Variants in SLC41A2 observed in about 807,000 individuals in gnomAD.
SLC41A2 encodes SLC41A1-like 1.
Under a neutral mutation model 58.3 loss-of-function variants are expected in SLC41A2, and 32 were observed. The observed-to-expected ratio is 0.55, with a 90% CI of 0.41 to 0.74. The LOEUF is 0.74. Ranked by LOEUF, SLC41A2 falls within the 30% of genes least tolerant of loss-of-function variation. The probability of loss-of-function intolerance (pLI) is 0.00; values close to 1 mark genes in which losing one functional copy is unlikely to be tolerated. For missense variants in SLC41A2, 514 were observed against 680.6 expected, an observed-to-expected ratio of 0.76 and a Z score of 2.72; for synonymous variants, 190 against 235.0, an observed-to-expected ratio of 0.81 and a Z score of 1.75.
chr12:104,886,189 T>C (rs1593072318), intron 6 of SLC41A2, 104 bp downstream of exon 6: 1 of 1,228,312 alleles, frequency 8.1e-7, no homozygotes, highest in East Asian at 2.5e-5. Context: ...CAACAGCAGT[T>C]CTAATGCAAA....
At chr12:104,851,267 T>C (rs1322897939) in intron 8 of SLC41A2, among the ~76,000 whole-genome samples, 1 of 152,222 alleles carries the variant, frequency 6.6e-6, no homozygotes, top group South Asian at 2.1e-4. Flanking sequence ...GGAGAATTCA[T>C]TGGTCAGAGG....
At chr12:104,846,016 A>C in intron 8 of SLC41A2, 42 bp from the exon 9 acceptor site, 1 of 1,590,948 alleles carries the variant, frequency 6.3e-7, no homozygotes, top group Non-Finnish European at 8.6e-7. Context: ...CTCATATTTT[A>C]AACAATTTGC....
intron 1 of SLC41A2, among the ~76,000 whole-genome samples, chr12:104,952,787 G>T (rs1300096900): frequency 6.6e-6 from 1 of 152,080 alleles, no homozygotes; most frequent in East Asian, 1.9e-4. Flanking sequence ...TGTCACTTTA[G>T]TGTACCACAT....
At chr12:104,887,189 A>T (rs532138781) in intron 5 of SLC41A2, among the ~76,000 whole-genome samples, 14 of 152,140 alleles carry the variant, frequency 9.2e-5, no homozygotes, top group African/African-American at 3.4e-4. Flanking sequence ...AGGATGTAGT[A>T]AAGAGAAAAC....
At chr12:104,889,298 C>T in intron 4 of SLC41A2, 121 bp from the exon 5 acceptor site, 2 of 1,027,310 alleles carry the variant, frequency 1.9e-6, no homozygotes, top group Non-Finnish European at 2.8e-6. Context: ...AATTGAGCTA[C>T]ATTACCTTTT....
At chr12:104,831,926 A>AC (rs2042051835) in intron 10 of SLC41A2, among the ~76,000 whole-genome samples, 1 of 152,160 alleles carries the variant, frequency 6.6e-6, no homozygotes, top group African/African-American at 2.4e-5. Context: ...TCATTTTATA[A>AC]ATATTTACTG....
chr12:104,922,669 C>T (rs2046652984), intron 2 of SLC41A2, among the ~76,000 whole-genome samples: 1 of 152,146 alleles, frequency 6.6e-6, no homozygotes, highest in Non-Finnish European at 1.5e-5. Context: ...ACACATTAGA[C>T]CAAACAGACC....
At position 104,922,401 on chromosome 12, in the gene SLC41A2, CAAAGACAGTA is replaced by C. The variant is rs2046639043; in HGVS notation, c.555+5562_555+5571del. Among the ~76,000 whole-genome samples the C allele has an allele frequency of 2.0e-5, 3 of 151,806 alleles. No individual in the cohort carries two copies. In the South Asian group the frequency reaches 6.3e-4, roughly 32 times the overall value. ...ATGCTAGATAGAATAGACTACAAATCAAAGACAGTAAAAGAGAAAAAGAGACCACTATATA... is the reference window on the plus strand; with the variant it reads ...ATGCTAGATAGAATAGACTACAAATCAAAGAGAAAAAGAGACCACTATATA... On this transcript the variant is annotated intron_variant, in intron 2 of 10. Transcript: ENST00000258538.
intron 8 of SLC41A2, among the ~76,000 whole-genome samples, chr12:104,856,173 A>G (rs563374329): frequency 6.6e-5 from 10 of 152,318 alleles, no homozygotes; most frequent in Admixed American, 6.5e-4. Flanking sequence ...ATTGCCCATA[A>G]AGAAGGTGAA....
At chr12:104,945,045 C>T (rs1386186066) in intron 1 of SLC41A2, among the ~76,000 whole-genome samples, 1 of 151,848 alleles carries the variant, frequency 6.6e-6, no homozygotes, top group Non-Finnish European at 1.5e-5. Flanking sequence ...GTGGTGCACA[C>T]CTGTAATCCC....
intron 6 of SLC41A2, among the ~76,000 whole-genome samples, chr12:104,876,867 A>C (rs1431059018): frequency 6.6e-6 from 1 of 152,208 alleles, no homozygotes; most frequent in African/African-American, 2.4e-5. Context: ...TCCAGTGTTG[A>C]AAGTGGGGTA....
At chr12:104,937,370 T>G (rs1325387141) in intron 1 of SLC41A2, among the ~76,000 whole-genome samples, 1 of 152,230 alleles carries the variant, frequency 6.6e-6, no homozygotes, top group Admixed American at 6.5e-5. Context: ...TTTTATACTG[T>G]GTTTTTACTA....
intron 1 of SLC41A2, among the ~76,000 whole-genome samples, chr12:104,947,954 G>A (rs2047794756): frequency 6.6e-6 from 1 of 152,128 alleles, no homozygotes; most frequent in South Asian, 2.1e-4. Flanking sequence ...ACTCATGAAA[G>A]CATTAGAATC....
intron 1 of SLC41A2, among the ~76,000 whole-genome samples, chr12:104,943,988 G>C (rs2047613804): frequency 6.6e-6 from 1 of 152,002 alleles, no homozygotes; most frequent in South Asian, 2.1e-4. Flanking sequence ...ACCCTTTTTG[G>C]GTCCCCTCCC....
At chr12:104,805,908 T>A (rs903235542) in intron 10 of SLC41A2, among the ~76,000 whole-genome samples, 2 of 152,172 alleles carry the variant, frequency 1.3e-5, no homozygotes, top group African/African-American at 4.8e-5. Context: ...GGAAATATTT[T>A]AAAAGATTAT....
chr12:104,922,949 A>C (rs1454929341), intron 2 of SLC41A2, among the ~76,000 whole-genome samples: 1 of 152,166 alleles, frequency 6.6e-6, no homozygotes, highest in Non-Finnish European at 1.5e-5. Flanking sequence ...GAAATTAAGA[A>C]GGAAATTTAA....
At chr12:104,916,165 G>A (rs12308461) in intron 2 of SLC41A2, among the ~76,000 whole-genome samples, 5,795 of 152,072 alleles carry the variant, frequency 0.038, 327 homozygotes, top group African/African-American at 0.13. Flanking sequence ...TGCTGGATTC[G>A]GTTTGCCAGT....
chr12:104,879,193 TA>T (rs1390895082), intron 6 of SLC41A2, among the ~76,000 whole-genome samples: 14 of 152,352 alleles, frequency 9.2e-5, no homozygotes, highest in African/African-American at 3.4e-4. Flanking sequence ...AAGTTCTTTG[TA>T]GATTCTGGCT....
At chr12:104,918,031 T>C (rs1051905379) in intron 2 of SLC41A2, among the ~76,000 whole-genome samples, 6 of 149,134 alleles carry the variant, frequency 4.0e-5, no homozygotes, top group Non-Finnish European at 7.4e-5. Context: ...AATAAACCTA[T>C]TCACTTTTAA....
Sources: allele counts gnomAD v4.1 joint callset (sites outside exome capture counted in the v4.1 genomes callset), GRCh38; gene constraint gnomAD v4.1.1; transcripts MANE v1.5; gene names NCBI Gene and HGNC (gene_info 2026-07-23, HGNC 2026-07-21).